The following SYNE2 variants were observed in gnomAD, a reference collection of about 807,000 sequenced individuals.
The protein encoded by SYNE2 is spectrin repeat containing nuclear envelope protein 2, also known as nesprin-2.
SYNE2 carries 431 observed loss-of-function variants against 856.3 expected under a neutral mutation model. The ratio of observed to expected loss-of-function variants is 0.50; its 90% CI spans 0.47 to 0.55. The LOEUF (loss-of-function observed/expected upper bound fraction) is 0.55. Among genes scored for constraint, SYNE2 ranks in the 20% least tolerant of loss-of-function variants. The pLI, the probability that SYNE2 is intolerant of heterozygous loss-of-function variation, is 0.00. For missense variants in SYNE2, 8,129 were observed against 8,023.2 expected, an observed-to-expected ratio of 1.01 and a Z score of -0.50; for synonymous variants, 2,923 against 2,872.3, an observed-to-expected ratio of 1.02 and a Z score of -0.56.
intron 66 of SYNE2, among the ~76,000 whole-genome samples, chr14:64,115,523 G>A (rs1184796999): frequency 6.6e-6 from 1 of 152,172 alleles, no homozygotes; most frequent in Non-Finnish European, 1.5e-5. Context: ...ATAGCCCAGG[G>A]TTAGTCTTAT....
intron 8 of SYNE2, among the ~76,000 whole-genome samples, chr14:63,958,757 G>A (rs576390430): frequency 5.5e-4 from 80 of 145,704 alleles, no homozygotes; most frequent in Admixed American, 1.8e-3. Context: ...TCTGCACAGA[G>A]ATTTGTCTGT....
At chr14:64,021,761 C>A in intron 36 of SYNE2, 96 bp from the exon 37 acceptor site, 1 of 1,343,538 alleles carries the variant, frequency 7.4e-7, no homozygotes, top group Non-Finnish European at 1.1e-6. Flanking sequence ...AACAGAGAGT[C>A]ATTGAGATTT....
chr14:63,790,136 A>T (rs112268315), intron 1 of SYNE2, among the ~76,000 whole-genome samples: 4 of 152,138 alleles, frequency 2.6e-5, no homozygotes, highest in African/African-American at 9.7e-5. Context: ...GTTCCAGACC[A>T]GCCTCGGGCA....
At chr14:64,164,053 G>A (rs1470966373) in intron 89 of SYNE2, among the ~76,000 whole-genome samples, 2 of 151,888 alleles carry the variant, frequency 1.3e-5, no homozygotes, top group Admixed American at 6.6e-5. Flanking sequence ...CCGGATAGCT[G>A]GGACTACAGG....
At chr14:63,962,468 T>C (rs984970517) in intron 9 of SYNE2, among the ~76,000 whole-genome samples, 1 of 152,236 alleles carries the variant, frequency 6.6e-6, no homozygotes, top group African/African-American at 2.4e-5. Context: ...TGTATTTACA[T>C]GATCAGGCAA....
At chr14:63,777,021 G>A (rs1887135167) in intron 1 of SYNE2, among the ~76,000 whole-genome samples, 1 of 152,246 alleles carries the variant, frequency 6.6e-6, no homozygotes, top group South Asian at 2.1e-4. Flanking sequence ...TTCTAAACTA[G>A]GATTTGCAAT....
In SYNE2 at chr14:64,024,277, A is replaced by G; in HGVS notation, c.5658A>G (p.Gly1886=). 1 of 1,614,056 alleles carries G rather than the reference A, an allele frequency of 6.2e-7. No individual in the cohort carries two copies. Among genetic ancestry groups the G allele is most frequent in the Non-Finnish European group, 8.5e-7 (1 of 1,179,946 alleles). ...QKLSDFLTLE[G]RNSKIKQVDS... ...TGAAGGATTTCTTGACTCTTGAAGGAAGAAACAGTAAAATAAAGCAGGTGG... is the reference window on the plus strand; with the variant it reads ...TGAAGGATTTCTTGACTCTTGAAGGGAGAAACAGTAAAATAAAGCAGGTGG... The change falls in exon 39 of 116, where the codon GGA becomes GGG. Residue 1886 remains glycine, a synonymous_variant. Transcript: ENST00000555002.
intron 1 of SYNE2, among the ~76,000 whole-genome samples, chr14:63,786,146 A>G (rs1397292198): frequency 2.0e-5 from 3 of 151,970 alleles, no homozygotes; most frequent in Non-Finnish European, 4.4e-5. Flanking sequence ...GCTACTAGGG[A>G]GGCTGAGGCA....
Position 63,941,931 on chromosome 14 carries a change from A to G in SYNE2, c.284A>G (p.Glu95Gly). The G allele has an allele frequency of 1.2e-6, 2 of 1,613,290 alleles. No individual in the cohort carries two copies. The highest frequency in any genetic ancestry group is 1.7e-6 in the Non-Finnish European group (2 of 1,179,952). The part of the protein sequence containing the change: ...SNTFQCRINI[E>G]HALTFLRNRS... ...ACCTTCCAGTGTAGAATCAATATAG[A>G]ACATGCCTTGACATTCCTAAGAAAC... The change falls in exon 5 of 116, where the codon GAA (glutamate) becomes GGA (glycine). Residue 95 changes from glutamate (E) to glycine (G), a missense_variant. This residue lies in a region of SYNE2 where 2,422 missense variants were observed against 2,357.4 expected (regional missense o/e 1.03). Coordinates refer to ENST00000555002, the MANE Select transcript of SYNE2 (RefSeq NM_182914.3).
intron 61 of SYNE2, chr14:64,095,040 A>G (rs2097665324): frequency 5.9e-6 from 1 of 170,284 alleles, no homozygotes; most frequent in Non-Finnish European, 1.5e-5. Context: ...GCTTAATATT[A>G]GGTCAGTGCA....
chr14:64,002,854 A>G lies in SYNE2; in HGVS notation c.3921A>G (p.Gln1307=), dbSNP rs771152985. The change falls in exon 30 of 116, where the codon CAA becomes CAG. Residue 1307 remains glutamine, a synonymous_variant. Transcript: ENST00000555002. ...ATATTATACTGAAATACAAAACACA[A>G]TTTGAAGGAATGAACCACAGGGTGC... is the stretch of plus-strand genomic sequence containing the variant. The part of the protein sequence containing the change: ...MQNIILKYKT[Q]FEGMNHRVQR... 3 of 1,614,096 alleles carry G rather than the reference A, an allele frequency of 1.9e-6. No homozygotes were observed. Among genetic ancestry groups the G allele is most frequent in the African/African-American group, 1.3e-5 (1 of 74,938 alleles).
intron 90 of SYNE2, chr14:64,167,025 C>A (rs879226506): frequency 4.6e-5 from 28 of 605,368 alleles, no homozygotes; most frequent in Middle Eastern, 8.7e-4. Flanking sequence ...GGGTGCTGGC[C>A]GTGTTGCAGG....
chr14:63,787,237 ATTG>A (rs1887566045), intron 1 of SYNE2, among the ~76,000 whole-genome samples: 1 of 152,184 alleles, frequency 6.6e-6, no homozygotes, highest in East Asian at 1.9e-4. Flanking sequence ...ATGATTAATT[ATTG>A]TTAACTATAG....
At position 64,161,837 on chromosome 14, in the gene SYNE2, A is replaced by G. The variant is rs141822883; in HGVS notation, c.16095-235A>G. On this transcript the variant is annotated intron_variant, in intron 87 of 115. Coordinates refer to ENST00000555002, the MANE Select transcript of SYNE2 (RefSeq NM_182914.3). The stretch of plus-strand genomic sequence containing the variant: ...ATAACATCATAGGTATTTGTTGCCA[A>G]TCATACATTTTGTAGTTTTTGTGCA... 9.3e-3 allele frequency among the ~76,000 whole-genome samples: 1,416 copies of G among 152,278 alleles called. 20 individuals are homozygous for G. Among genetic ancestry groups the G allele is most frequent in the African/African-American group, 0.033 (1,355 of 41,550 alleles).
At chr14:64,195,644 C>T (rs1349756247) in intron 99 of SYNE2, among the ~76,000 whole-genome samples, 1 of 152,194 alleles carries the variant, frequency 6.6e-6, no homozygotes, top group African/African-American at 2.4e-5. Context: ...AAGTTACGAC[C>T]GTGGCAGTTG....
Position 64,145,883 on chromosome 14 carries a change from T to A in SYNE2, c.15484-185T>A, listed in dbSNP as rs568429869. 2.0e-5 allele frequency among the ~76,000 whole-genome samples: 3 copies of A among 152,334 alleles called. No homozygotes were observed. In the South Asian group the frequency reaches 6.2e-4, roughly 32 times the overall value. ...CACCTTAAATATGATATTTTTTTCC[T>A]AAGAGGAGCTTTAACTCTGTTTTCT... is the stretch of plus-strand genomic sequence containing the variant. On this transcript the variant is annotated intron_variant, in intron 83 of 115. Coordinates refer to ENST00000555002, the MANE Select transcript of SYNE2 (RefSeq NM_182914.3).
Position 64,044,589 on chromosome 14 carries a change from A to C in SYNE2, c.7222-3411A>C, listed in dbSNP as rs1485857392. Among the ~76,000 whole-genome samples, 7 of 152,098 alleles carry C rather than the reference A, an allele frequency of 4.6e-5. No individual in the cohort carries two copies. The East Asian group carries it at 9.6e-4, about 21-fold the overall frequency. Reference sequence around the variant, plus strand: ...TATGGTTTGGCTGTGTCCCCACCCAAATCTCATCTTGAATTGTAACTCCCA... The same window carrying C: ...TATGGTTTGGCTGTGTCCCCACCCACATCTCATCTTGAATTGTAACTCCCA... On this transcript the variant is annotated intron_variant, in intron 45 of 115. Coordinates refer to ENST00000555002, the MANE Select transcript of SYNE2 (RefSeq NM_182914.3).
intron 37 of SYNE2, among the ~76,000 whole-genome samples, chr14:64,022,322 A>G (rs950782408): frequency 6.6e-6 from 1 of 152,218 alleles, no homozygotes; most frequent in African/African-American, 2.4e-5. Flanking sequence ...ACTGGTGCAC[A>G]AGCGGTCCAG....
intron 1 of SYNE2, among the ~76,000 whole-genome samples, chr14:63,865,586 G>A (rs1367105189): frequency 1.3e-5 from 2 of 151,582 alleles, no homozygotes; most frequent in Admixed American, 6.6e-5. Context: ...GTTTCACCAT[G>A]TTGAGCAGGC....
Sources: allele counts gnomAD v4.1 joint callset (sites outside exome capture counted in the v4.1 genomes callset), GRCh38; gene constraint gnomAD v4.1.1; regional missense constraint gnomAD v4.1.1; transcripts MANE v1.5; gene names NCBI Gene and HGNC (gene_info 2026-07-23, HGNC 2026-07-21).